TRHDE: variants seen among roughly 807,000 people sequenced by gnomAD.
TRHDE encodes thyrotropin-releasing hormone-degrading ectoenzyme.
A neutral mutation model predicts 125.7 loss-of-function variants in TRHDE; 72 were observed. That is an observed-to-expected ratio of 0.57 (90% CI 0.47 to 0.70). TRHDE has a LOEUF of 0.70. Ranked by LOEUF, TRHDE falls within the 30% of genes least tolerant of loss-of-function variation. TRHDE has a pLI of 0.00. For missense variants in TRHDE, 1,110 were observed against 1,327.1 expected, an observed-to-expected ratio of 0.84 and a Z score of 2.54; for synonymous variants, 509 against 509.1, an observed-to-expected ratio of 1.00 and a Z score of 0.00.
chr12:72,574,567 A>G (rs1870899898), intron 10 of TRHDE, among the ~76,000 whole-genome samples: 1 of 152,120 alleles, frequency 6.6e-6, no homozygotes, highest in Admixed American at 6.6e-5. Flanking sequence ...TAAATATGTA[A>G]GAAGTTATAA....
intron 15 of TRHDE, among the ~76,000 whole-genome samples, chr12:72,630,885 G>GA (rs1873466805): frequency 7.3e-6 from 1 of 136,152 alleles, no homozygotes; most frequent in Admixed American, 7.6e-5. Context: ...AAAATTCATA[G>GA]CAAAAAAAAA....
At chr12:72,439,628 T>C (rs924540874) in intron 3 of TRHDE, among the ~76,000 whole-genome samples, 2 of 151,864 alleles carry the variant, frequency 1.3e-5, no homozygotes, top group Admixed American at 1.3e-4. Flanking sequence ...AATTTTTTAG[T>C]TTTAACAGTG....
At chr12:72,157,205 TA>T (rs1876534340) in intron 2 of TRHDE, among the ~76,000 whole-genome samples, 1 of 151,902 alleles carries the variant, frequency 6.6e-6, no homozygotes, top group African/African-American at 2.4e-5. Context: ...ATGATGGTTC[TA>T]AAAAATCCAG....
chr12:72,235,816 C>G (rs1013592136), intron 2 of TRHDE, among the ~76,000 whole-genome samples: 1 of 152,138 alleles, frequency 6.6e-6, no homozygotes, highest in Non-Finnish European at 1.5e-5. Context: ...CCTCTCCTCA[C>G]AAAACATCTG....
chr12:72,246,612 C>T (rs1402321022), intron 2 of TRHDE, among the ~76,000 whole-genome samples: 2 of 152,272 alleles, frequency 1.3e-5, no homozygotes, highest in Middle Eastern at 3.4e-3. Flanking sequence ...ATAAATAGCT[C>T]GATATTGCTT....
At chr12:72,242,106 C>T (rs1194222027) in intron 2 of TRHDE, among the ~76,000 whole-genome samples, 1 of 152,196 alleles carries the variant, frequency 6.6e-6, no homozygotes, top group Admixed American at 6.5e-5. Flanking sequence ...TTCATCATTA[C>T]ATTTCAGTGT....
At chr12:72,130,849 A>G (rs79980196) in intron 2 of TRHDE, among the ~76,000 whole-genome samples, 11,377 of 152,166 alleles carry the variant, frequency 0.075, 746 homozygotes, top group African/African-American at 0.17. Flanking sequence ...AAATGGAAAA[A>G]CTAGATATTA....
Position 72,369,075 on chromosome 12 carries a change from G to A in TRHDE, c.1189-8920G>A, listed in dbSNP as rs144503850. Among the ~76,000 whole-genome samples the A allele has an allele frequency of 6.6e-3, 1,001 of 152,224 alleles. 5 individuals carry two copies. The highest frequency in any genetic ancestry group is 0.01 in the Non-Finnish European group (681 of 68,016). ...ATGACCAAAGGGGTTGAAGATATCTGCCTTTAGTATGTTTTTCCTTTCAAT... is the reference window on the plus strand; with the variant it reads ...ATGACCAAAGGGGTTGAAGATATCTACCTTTAGTATGTTTTTCCTTTCAAT... On this transcript the variant is annotated intron_variant, in intron 2 of 18. Coordinates refer to ENST00000261180, the MANE Select transcript of TRHDE (RefSeq NM_013381.3).
chr12:72,385,884 C>A lies in TRHDE; in HGVS notation c.1315+7763C>A, dbSNP rs562763152. Among the ~76,000 whole-genome samples the A allele has an allele frequency of 9.2e-5, 14 of 152,252 alleles. No individual in the cohort carries two copies. In the South Asian group the frequency reaches 2.9e-3, roughly 32 times the overall value. On this transcript the variant is annotated intron_variant, in intron 3 of 18. Coordinates refer to ENST00000261180, the MANE Select transcript of TRHDE (RefSeq NM_013381.3). ...AAAGAAATCAATGAAAACAATGCAT[C>A]TGAGTGAGAATAATGCATGAGATTA...
chr12:72,173,466 G>A (rs1178433669), intron 2 of TRHDE, among the ~76,000 whole-genome samples: 2 of 152,066 alleles, frequency 1.3e-5, no homozygotes, highest in East Asian at 3.9e-4. Flanking sequence ...AAATAAATAG[G>A]AAAGTACCCA....
At chr12:72,371,034 T>C (rs1871560556) in intron 2 of TRHDE, among the ~76,000 whole-genome samples, 1 of 152,134 alleles carries the variant, frequency 6.6e-6, no homozygotes, top group African/African-American at 2.4e-5. Flanking sequence ...CGTGAGCCAC[T>C]GCCCCTGGCC....
intron 15 of TRHDE, among the ~76,000 whole-genome samples, chr12:72,637,167 G>T (rs1488701368): frequency 6.6e-6 from 1 of 152,066 alleles, no homozygotes; most frequent in African/African-American, 2.4e-5. Flanking sequence ...ATTGATTATT[G>T]CCACAATTTC....
chr12:72,450,138 G>T (rs975113335), intron 3 of TRHDE, among the ~76,000 whole-genome samples: 2 of 152,054 alleles, frequency 1.3e-5, no homozygotes, highest in Non-Finnish European at 2.9e-5. Flanking sequence ...AGTTCAAGTT[G>T]TACAACATGG....
intron 12 of TRHDE, among the ~76,000 whole-genome samples, chr12:72,601,181 T>C (rs1033678887): frequency 6.6e-6 from 1 of 152,088 alleles, no homozygotes; most frequent in Non-Finnish European, 1.5e-5. Flanking sequence ...ATTCCAACTG[T>C]CTGGGATGAC....
At chr12:72,659,949 C>A (rs984145093) in intron 18 of TRHDE, among the ~76,000 whole-genome samples, 4 of 151,974 alleles carry the variant, frequency 2.6e-5, no homozygotes, top group Non-Finnish European at 4.4e-5. Context: ...AACAGCTGGG[C>A]CCCGGGGACC....
chr12:72,390,695 G>C (rs1223266587), intron 3 of TRHDE, among the ~76,000 whole-genome samples: 1 of 152,096 alleles, frequency 6.6e-6, no homozygotes, highest in African/African-American at 2.4e-5. Context: ...CCATTGTAAA[G>C]ACACTCCATG....
At chr12:72,227,060 C>T (rs751099360) in intron 2 of TRHDE, among the ~76,000 whole-genome samples, 39 of 152,072 alleles carry the variant, frequency 2.6e-4, no homozygotes, top group East Asian at 9.7e-4. Context: ...CAAAGCATTT[C>T]AAAAACAATG....
intron 10 of TRHDE, among the ~76,000 whole-genome samples, chr12:72,574,677 A>G (rs1195598344): frequency 1.3e-5 from 2 of 152,138 alleles, no homozygotes; most frequent in Admixed American, 6.6e-5. Context: ...AGAATTTATT[A>G]TCTTTGTTTC....
chr12:72,527,283 T>G (rs1377888194), intron 6 of TRHDE, among the ~76,000 whole-genome samples: 1 of 152,170 alleles, frequency 6.6e-6, no homozygotes, highest in Non-Finnish European at 1.5e-5. Flanking sequence ...ATTGTTCTAT[T>G]TCCTAAGTTA....
Sources: gnomAD v4.1 joint callset for allele counts (sites outside exome capture counted in the v4.1 genomes callset) on GRCh38, gnomAD v4.1.1 for gene constraint, MANE v1.5 for transcripts, NCBI Gene and HGNC (gene_info 2026-07-23, HGNC 2026-07-21) for gene names.